Variants in MAGI2 observed in about 807,000 individuals in gnomAD.
MAGI2 encodes the protein membrane associated guanylate kinase, WW and PDZ domain containing 2, also known as membrane-associated guanylate kinase, WW and PDZ domain-containing protein 2.
In MAGI2, 35 loss-of-function variants were observed where a neutral mutation model predicts 133.3. That is an observed-to-expected ratio of 0.26 (90% CI 0.20 to 0.35). The LOEUF is 0.35. MAGI2 is among the 10% of genes least tolerant of loss of function. The probability of loss-of-function intolerance (pLI) is 1.00; values close to 1 mark genes in which losing one functional copy is unlikely to be tolerated. For synonymous variants in MAGI2, 729 were observed against 710.6 expected, an observed-to-expected ratio of 1.03 and a Z score of -0.41; for missense variants, 1,636 against 1,863.4, an observed-to-expected ratio of 0.88 and a Z score of 2.25.
chr7:78,238,491 A>G (rs1002584364), intron 10 of MAGI2, among the ~76,000 whole-genome samples: 6 of 152,080 alleles, frequency 3.9e-5, no homozygotes, highest in African/African-American at 1.4e-4. Flanking sequence ...ACTTGAGCCC[A>G]GGAGTTCGAG....
chr7:78,333,094 TA>T (rs1789399836), intron 9 of MAGI2, among the ~76,000 whole-genome samples: 1 of 152,226 alleles, frequency 6.6e-6, no homozygotes, highest in Admixed American at 6.5e-5. Context: ...TTTGCTAGAT[TA>T]AAACCTTTTT....
chr7:79,097,308 T>A (rs998861423), intron 1 of MAGI2, among the ~76,000 whole-genome samples: 2 of 152,198 alleles, frequency 1.3e-5, no homozygotes, highest in Non-Finnish European at 2.9e-5. Context: ...TGTTTCCTTA[T>A]CATAAAACAG....
intron 2 of MAGI2, among the ~76,000 whole-genome samples, chr7:78,823,869 A>G (rs1790383254): frequency 6.6e-6 from 1 of 151,914 alleles, no homozygotes; most frequent in African/African-American, 2.4e-5. Flanking sequence ...ACCTAGAGTT[A>G]CTGGTATTAT....
intron 20 of MAGI2, among the ~76,000 whole-genome samples, chr7:78,082,742 C>T (rs1215951122): frequency 2.0e-5 from 3 of 152,166 alleles, no homozygotes; most frequent in Non-Finnish European, 4.4e-5. Context: ...GACATAGACT[C>T]TGACCGTTGC....
chr7:79,155,532 A>T (rs144246036), intron 1 of MAGI2, among the ~76,000 whole-genome samples: 271 of 152,270 alleles, frequency 1.8e-3, no homozygotes, highest in African/African-American at 6.2e-3. Context: ...GTAACAAAAA[A>T]ATTTAAGTAG....
intron 1 of MAGI2, among the ~76,000 whole-genome samples, chr7:79,195,081 C>G (rs1188253103): frequency 6.6e-6 from 1 of 151,920 alleles, no homozygotes; most frequent in African/African-American, 2.4e-5. Flanking sequence ...TATTTTATGA[C>G]TCAATTACCA....
At chr7:78,806,106 T>G (rs750482114) in intron 2 of MAGI2, among the ~76,000 whole-genome samples, 23 of 152,156 alleles carry the variant, frequency 1.5e-4, no homozygotes, top group Non-Finnish European at 2.6e-4. Flanking sequence ...TTGGATAAAG[T>G]CAATAGTACA....
chr7:78,647,237 G>A (rs1322601518), intron 2 of MAGI2, among the ~76,000 whole-genome samples: 1 of 152,138 alleles, frequency 6.6e-6, no homozygotes, highest in Non-Finnish European at 1.5e-5. Flanking sequence ...GAAAATTTTT[G>A]CAATCTAAAC....
chr7:78,546,605 G>A (rs1202147923), intron 3 of MAGI2, among the ~76,000 whole-genome samples: 1 of 152,056 alleles, frequency 6.6e-6, no homozygotes, highest in Non-Finnish European at 1.5e-5. Flanking sequence ...GCCAACAGCT[G>A]TGTCCCCCTG....
At position 78,168,016 on chromosome 7, in the gene MAGI2, T is replaced by C. The variant is rs1162944366; in HGVS notation, c.2496A>G (p.Pro832=). ...GDELVYVDGI[P]VAGKTHRYVI... is the part of the protein sequence containing the mutation. The stretch of plus-strand genomic sequence containing the variant: ...CATAGCGGTGGGTTTTGCCGGCTAC[T>C]GGAATCCCATCAACATACACAAGCT... The change falls in exon 15 of 22, where the codon CCA becomes CCG. Residue 832 remains proline (P), a synonymous_variant. Coordinates refer to ENST00000354212, the MANE Select transcript of MAGI2 (RefSeq NM_012301.4). The C allele has an allele frequency of 6.2e-7, 1 of 1,614,008 alleles. No homozygotes were observed. Among genetic ancestry groups the C allele is most frequent in the Non-Finnish European group, 8.5e-7 (1 of 1,180,026 alleles).
Position 78,638,950 on chromosome 7 carries a change from C to T in MAGI2, c.419-11711G>A, listed in dbSNP as rs115672063. On this transcript the variant is annotated intron_variant, in intron 2 of 21. Coordinates refer to ENST00000354212, the MANE Select transcript of MAGI2 (RefSeq NM_012301.4). ...AAGGAAAAGAAAGATCAGTGACTTT[C>T]TATAGAAACAATATATATTTAGTTT... Among the ~76,000 whole-genome samples the T allele has an allele frequency of 5.1e-3, 776 of 152,202 alleles. 9 individuals are homozygous for T. Among genetic ancestry groups the T allele is most frequent in the African/African-American group, 0.018 (744 of 41,540 alleles).
rs1585681487 is a variant in MAGI2, at chr7:79,354,642, C to T, written c.301+98378G>A. 3.9e-5 allele frequency among the ~76,000 whole-genome samples: 6 copies of T among 152,094 alleles called. No homozygotes were observed. In the South Asian group the frequency reaches 1.2e-3, roughly 31 times the overall value. On this transcript the variant is annotated intron_variant, in intron 1 of 21. Coordinates refer to ENST00000354212, the MANE Select transcript of MAGI2 (RefSeq NM_012301.4). ...ACCTCTGTCCAATAAGAGAGGTGCC[C>T]TGGTCCCCAAAGAAACTCCCTCCAA...
chr7:79,123,343 G>T (rs1299234816), intron 1 of MAGI2, among the ~76,000 whole-genome samples: 2 of 152,128 alleles, frequency 1.3e-5, no homozygotes, highest in East Asian at 1.9e-4. Context: ...TTTAAAGGAT[G>T]AATCAGATAG....
At chr7:78,816,084 G>T (rs1009884833) in intron 2 of MAGI2, among the ~76,000 whole-genome samples, 2 of 152,204 alleles carry the variant, frequency 1.3e-5, no homozygotes, top group African/African-American at 4.8e-5. Context: ...GAACACAGAA[G>T]TGATAAGAAA....
intron 9 of MAGI2, among the ~76,000 whole-genome samples, chr7:78,337,303 G>T (rs1789872020): frequency 6.6e-6 from 1 of 152,122 alleles, no homozygotes. Context: ...GGATCATCAG[G>T]GATTGGCTCA....
At chr7:79,219,482 G>T (rs1317116588) in intron 1 of MAGI2, among the ~76,000 whole-genome samples, 1 of 152,024 alleles carries the variant, frequency 6.6e-6, no homozygotes, top group African/African-American at 2.4e-5. Context: ...CAGAGATAAT[G>T]AAATCACTTT....
At chr7:78,539,998 T>C (rs938841732) in intron 3 of MAGI2, among the ~76,000 whole-genome samples, 1 of 152,220 alleles carries the variant, frequency 6.6e-6, no homozygotes, top group African/African-American at 2.4e-5. Context: ...GTTGCTGTAA[T>C]GGCTTGAGTT....
intron 1 of MAGI2, among the ~76,000 whole-genome samples, chr7:79,289,172 C>A (rs571825330): frequency 3.3e-5 from 5 of 152,262 alleles, no homozygotes; most frequent in South Asian, 2.1e-4. Flanking sequence ...TGAAGTGGAC[C>A]TTTCAGCATT....
intron 1 of MAGI2, among the ~76,000 whole-genome samples, chr7:79,130,006 G>A (rs768047368): frequency 1.3e-5 from 2 of 152,000 alleles, no homozygotes; most frequent in African/African-American, 2.4e-5. Flanking sequence ...AGTTCTGTTA[G>A]GTTATGAAAA....
Sources: allele counts gnomAD v4.1 joint callset (sites outside exome capture counted in the v4.1 genomes callset), GRCh38; gene constraint gnomAD v4.1.1; transcripts MANE v1.5; gene names NCBI Gene and HGNC (gene_info 2026-07-23, HGNC 2026-07-21).